DROSHA: variants seen among roughly 807,000 people sequenced by gnomAD.
DROSHA encodes the protein ribonuclease 3.
A neutral mutation model predicts 181.9 loss-of-function variants in DROSHA; 56 were observed. The ratio of observed to expected loss-of-function variants is 0.31; its 90% confidence interval spans 0.25 to 0.38. The LOEUF (loss-of-function observed/expected upper bound fraction) is 0.38, where lower values mean the gene tolerates loss of function less well. Among genes scored for constraint, DROSHA ranks in the 10% least tolerant of loss-of-function variants. DROSHA has a pLI of 1.00. For missense variants in DROSHA, 1,218 were observed against 1,743.5 expected (o/e 0.70, Z 5.37); for synonymous variants, 524 against 591.2 (o/e 0.89, Z 1.65).
At chr5:31,450,680 G>C (rs1444365126) in intron 21 of DROSHA, among the ~76,000 whole-genome samples, 1 of 152,088 alleles carries the variant, frequency 6.6e-6, no homozygotes, top group Non-Finnish European at 1.5e-5. Flanking sequence ...GACTCAGATG[G>C]GGAGTGTTGG....
chr5:31,405,567 AAAC>A, intron 35 of DROSHA, 107 bp downstream of exon 35: 4 of 1,006,150 alleles, frequency 4.0e-6, no homozygotes, highest in Non-Finnish European at 4.4e-6. Flanking sequence ...ATTCTGAAGA[AAAC>A]AAGATCACAT....
intron 23 of DROSHA, among the ~76,000 whole-genome samples, chr5:31,447,496 T>G (rs1746454299): frequency 6.6e-6 from 1 of 152,178 alleles, no homozygotes; most frequent in Non-Finnish European, 1.5e-5. Flanking sequence ...CGTGTGGAAA[T>G]GCAATAAACT....
At chr5:31,460,575 A>C (rs1050732108) in intron 20 of DROSHA, among the ~76,000 whole-genome samples, 1 of 152,220 alleles carries the variant, frequency 6.6e-6, no homozygotes, top group Non-Finnish European at 1.5e-5. Context: ...AGTAGGTTCT[A>C]TATCAATGAA....
intron 30 of DROSHA, among the ~76,000 whole-genome samples, chr5:31,415,317 T>C (rs1017961279): frequency 1.3e-5 from 2 of 152,188 alleles, no homozygotes; most frequent in Non-Finnish European, 2.9e-5. Flanking sequence ...GACAATAATA[T>C]GCCACACAGC....
chr5:31,476,327 T>C (rs571980146), intron 16 of DROSHA, among the ~76,000 whole-genome samples: 2 of 152,308 alleles, frequency 1.3e-5, no homozygotes, highest in East Asian at 1.9e-4. Context: ...ACTGTGCCAC[T>C]GCACTCCAGC....
chr5:31,520,294 TTC>T (rs1425142143), intron 6 of DROSHA, among the ~76,000 whole-genome samples: 5 of 152,232 alleles, frequency 3.3e-5, no homozygotes, highest in African/African-American at 1.2e-4. Context: ...ATGTAGATTT[TTC>T]TTTTATTTCC....
At chr5:31,490,232 G>C (rs1227180390) in intron 13 of DROSHA, among the ~76,000 whole-genome samples, 2 of 147,970 alleles carry the variant, frequency 1.4e-5, no homozygotes, top group African/African-American at 5.1e-5. Context: ...CAACCAAGCT[G>C]GAGTTCAGTG....
At chr5:31,406,986 T>G in intron 33 of DROSHA, 41 bp from the exon 34 acceptor site, 1 of 1,574,096 alleles carries the variant, frequency 6.4e-7, no homozygotes, top group East Asian at 2.2e-5. Flanking sequence ...GGTAAAGTGT[T>G]ATTTGTCATG....
intron 11 of DROSHA, among the ~76,000 whole-genome samples, chr5:31,496,371 G>A (rs898827149): frequency 6.6e-6 from 1 of 152,174 alleles, no homozygotes; most frequent in Non-Finnish European, 1.5e-5. Context: ...AAGTTCCAGT[G>A]AGCCAAGATT....
At chr5:31,465,492 T>C (rs1748897818) in intron 19 of DROSHA, among the ~76,000 whole-genome samples, 2 of 152,176 alleles carry the variant, frequency 1.3e-5, no homozygotes, top group African/African-American at 4.8e-5. Flanking sequence ...AAAGGCTGAT[T>C]CAACAAATTT....
chr5:31,526,291 C>T lies in DROSHA; in HGVS notation c.642G>A (p.Lys214=), dbSNP rs1254182792. 1 of 1,613,712 alleles carries T rather than the reference C, an allele frequency of 6.2e-7. No individual in the cohort carries two copies. Among genetic ancestry groups the T allele is most frequent in the East Asian group, 2.2e-5 (1 of 44,880 alleles). Residue 214 remains lysine, a synonymous_variant, in exon 5 of 36, where the codon AAG becomes AAA. Transcript: ENST00000344624. The part of the protein sequence containing the change: ...FRHLPPYPLP[K]APSERRSPER... ...CTGGGGACCTTCTCTCACTGGGAGC[C>T]TTTGGGAGTGGGTATGGAGGGAGAT...
intron 5 of DROSHA, among the ~76,000 whole-genome samples, chr5:31,524,547 C>A (rs1431467223): frequency 6.6e-6 from 1 of 152,200 alleles, no homozygotes; most frequent in Non-Finnish European, 1.5e-5. Context: ...TGTAAGGGTT[C>A]ACTGAGGCAT....
chr5:31,511,799 T>A (rs1738710724), intron 8 of DROSHA, among the ~76,000 whole-genome samples: 1 of 151,914 alleles, frequency 6.6e-6, no homozygotes, highest in Non-Finnish European at 1.5e-5. Context: ...TCATGACAAC[T>A]GACATCAAAT....
chr5:31,526,653 G>A lies in DROSHA; in HGVS notation c.280C>T (p.Pro94Ser), dbSNP rs1478024603. The A allele has an allele frequency of 2.7e-6, 4 of 1,504,536 alleles. No homozygotes were observed. Among genetic ancestry groups the A allele is most frequent in the Admixed American group, 4.6e-5 (2 of 43,808 alleles). 93.2% of individuals were successfully genotyped at this position (1,504,536 alleles called of 1,614,324 possible). Reference sequence around the variant, plus strand: ...AAAGGCGGCCTGATTGGGCAGGGGGGAAGAGGGCCTTGCGCTGACGGAGGC... The same window carrying A: ...AAAGGCGGCCTGATTGGGCAGGGGGAAAGAGGGCCTTGCGCTGACGGAGGC... ...PMPPSAQGPLPPCPIRPPFPN... is the reference protein window; with the variant it reads ...PMPPSAQGPLSPCPIRPPFPN... Residue 94 changes from proline to serine, a missense_variant, in exon 5 of 36, where the codon CCC becomes TCC. By Grantham distance (74) the Pro-to-Ser change is moderately conservative. This residue lies in a region of DROSHA where 536 missense variants were observed against 535.4 expected (regional missense o/e 1.00). Transcript: ENST00000344624.
intron 11 of DROSHA, among the ~76,000 whole-genome samples, chr5:31,498,117 C>G (rs1753194778): frequency 1.3e-5 from 2 of 152,198 alleles, no homozygotes; most frequent in South Asian, 4.1e-4. Context: ...GCATCTGTGC[C>G]TAGGTGGCCT....
chr5:31,464,294 G>A lies in DROSHA; in HGVS notation c.2516C>T (p.Thr839Met). Residue 839 changes from threonine to methionine, a missense_variant, in exon 20 of 36, where the codon ACG (threonine) becomes ATG (methionine). Thr to Met is a moderately conservative substitution (Grantham distance 81, BLOSUM62 -1). Around this residue, in one of 8 missense-constraint regions of DROSHA, gnomAD observed 460 missense variants for 774.2 expected, o/e 0.59. Transcript: ENST00000344624. ...RQKNTMRREV[T>M]VELSSQGFWK... Reference sequence around the variant, plus strand: ...GAATCCTTGGCTACTTAGCTCCACCGTTACTTCTCGTCTCATTGTATTCTT... The same window carrying A: ...GAATCCTTGGCTACTTAGCTCCACCATTACTTCTCGTCTCATTGTATTCTT... The A allele has an allele frequency of 6.2e-7, 1 of 1,613,182 alleles. No individual in the cohort carries two copies. The highest frequency in any genetic ancestry group is 8.5e-7 in the Non-Finnish European group (1 of 1,179,568).
chr5:31,525,239 G>A (rs528746140), intron 5 of DROSHA, among the ~76,000 whole-genome samples: 1 of 147,864 alleles, frequency 6.8e-6, no homozygotes, highest in African/African-American at 2.5e-5. Flanking sequence ...GCTGAGGCAG[G>A]AGAATCACTT....
At chr5:31,474,240 C>CT (rs1312482214) in intron 16 of DROSHA, among the ~76,000 whole-genome samples, 1 of 152,104 alleles carries the variant, frequency 6.6e-6, no homozygotes, top group African/African-American at 2.4e-5. Context: ...GTAGCAGTGA[C>CT]TTTTTTTTAT....
intron 30 of DROSHA, among the ~76,000 whole-genome samples, chr5:31,416,679 T>A (rs1486292494): frequency 1.3e-5 from 2 of 152,006 alleles, no homozygotes; most frequent in Non-Finnish European, 2.9e-5. Context: ...AGGAAGAGCA[T>A]ACACAAAGGC....
Sources: allele counts gnomAD v4.1 joint callset (sites outside exome capture counted in the v4.1 genomes callset), GRCh38; gene constraint gnomAD v4.1.1; regional missense constraint gnomAD v4.1.1; transcripts MANE v1.5; gene names NCBI Gene and HGNC (gene_info 2026-07-23, HGNC 2026-07-21).